Variants in NOS1AP observed in about 807,000 individuals in gnomAD.
The protein encoded by NOS1AP is carboxyl-terminal PDZ ligand of neuronal nitric oxide synthase protein.
A neutral mutation model predicts 56.2 loss-of-function variants in NOS1AP; 21 were observed. The ratio of observed to expected loss-of-function variants is 0.37; its 90% CI spans 0.26 to 0.54. The LOEUF (loss-of-function observed/expected upper bound fraction) is 0.54. Ranked by LOEUF, NOS1AP falls within the 20% of genes least tolerant of loss-of-function variation. The pLI, the probability that NOS1AP is intolerant of heterozygous loss-of-function variation, is 0.84. For synonymous variants in NOS1AP, 270 were observed against 274.6 expected (o/e 0.98, Z 0.17); for missense variants, 522 against 657.8 (o/e 0.79, Z 2.26).
At chr1:162,151,258 A>T (rs1280933869) in intron 1 of NOS1AP, among the ~76,000 whole-genome samples, 1 of 152,226 alleles carries the variant, frequency 6.6e-6, no homozygotes, top group Non-Finnish European at 1.5e-5. Flanking sequence ...CTTTGTTAAA[A>T]ATGAATTCAC....
At chr1:162,205,268 C>G (rs889217306) in intron 2 of NOS1AP, among the ~76,000 whole-genome samples, 3 of 152,226 alleles carry the variant, frequency 2.0e-5, no homozygotes, top group African/African-American at 7.2e-5. Context: ...CCTTTCTTCT[C>G]TCAGGTTCAG....
At chr1:162,291,107 G>A (rs1465388146) in intron 3 of NOS1AP, among the ~76,000 whole-genome samples, 1 of 151,870 alleles carries the variant, frequency 6.6e-6, no homozygotes, top group Non-Finnish European at 1.5e-5. Flanking sequence ...TTCTAGAGCA[G>A]GAGGGGACCC....
At chr1:162,077,232 A>ACCAATG (rs1691788913) in intron 1 of NOS1AP, among the ~76,000 whole-genome samples, 1 of 151,868 alleles carries the variant, frequency 6.6e-6, no homozygotes, top group Middle Eastern at 3.2e-3. Flanking sequence ...TTGTTGTCTG[A>ACCAATG]CTTTTTGATT....
At chr1:162,086,045 C>G (rs1691992478) in intron 1 of NOS1AP, among the ~76,000 whole-genome samples, 1 of 152,112 alleles carries the variant, frequency 6.6e-6, no homozygotes, top group Non-Finnish European at 1.5e-5. Flanking sequence ...TCTTGCTTTT[C>G]ACATGCAGCC....
At chr1:162,254,451 G>A (rs187408831) in intron 2 of NOS1AP, among the ~76,000 whole-genome samples, 13 of 152,304 alleles carry the variant, frequency 8.5e-5, no homozygotes, top group Middle Eastern at 3.4e-3. Flanking sequence ...GTTTTAAAGG[G>A]CAAAGCCATG....
chr1:162,244,006 C>G (rs1473554962), intron 2 of NOS1AP, among the ~76,000 whole-genome samples: 1 of 152,192 alleles, frequency 6.6e-6, no homozygotes, highest in Non-Finnish European at 1.5e-5. Flanking sequence ...TCTGGATTTT[C>G]AAAGACACCA....
intron 8 of NOS1AP, among the ~76,000 whole-genome samples, chr1:162,360,385 G>A (rs888705666): frequency 7.2e-5 from 11 of 152,188 alleles, no homozygotes; most frequent in African/African-American, 1.9e-4. Context: ...GCCTCGAAGC[G>A]AAGCTGGGAT....
chr1:162,126,217 T>C (rs1648481674), intron 1 of NOS1AP, among the ~76,000 whole-genome samples: 1 of 152,174 alleles, frequency 6.6e-6, no homozygotes, highest in African/African-American at 2.4e-5. Context: ...GATCATATCA[T>C]TGGCAAACAA....
rs76160819 is a variant in NOS1AP at position 162,211,215 on chromosome 1, G to C, written c.177+56739G>C. Among the ~76,000 whole-genome samples, 1,454 of 152,338 alleles carry C rather than the reference G, an allele frequency of 9.5e-3. 12 individuals are homozygous for C. Among genetic ancestry groups the C allele is most frequent in the Non-Finnish European group, 0.015 (1,044 of 68,024 alleles). The stretch of plus-strand genomic sequence containing the variant: ...CAAAATATCACAGGCTAGGTGGATT[G>C]AACAAGAGAAATTTATTTTTCACAG... On this transcript the variant is annotated intron_variant, in intron 2 of 9. Coordinates refer to ENST00000361897, the MANE Select transcript of NOS1AP (RefSeq NM_014697.3).
intron 3 of NOS1AP, among the ~76,000 whole-genome samples, chr1:162,295,598 G>GT (rs1257782815): frequency 4.0e-5 from 6 of 151,786 alleles, no homozygotes; most frequent in Admixed American, 3.3e-4. Flanking sequence ...GTGTTGTTTT[G>GT]TTTTTTTCTT....
chr1:162,196,359 G>GCTCTTTC (rs1332186775), intron 2 of NOS1AP, among the ~76,000 whole-genome samples: 1 of 152,142 alleles, frequency 6.6e-6, no homozygotes, highest in African/African-American at 2.4e-5. Context: ...TTGATACCAC[G>GCTCTTTC]CTCTTTCTGT....
chr1:162,282,771 C>T (rs1557862262), intron 2 of NOS1AP, among the ~76,000 whole-genome samples: 1 of 152,212 alleles, frequency 6.6e-6, no homozygotes, highest in Non-Finnish European at 1.5e-5. Context: ...TCCAAAGCTC[C>T]TTCTAGATAG....
intron 2 of NOS1AP, among the ~76,000 whole-genome samples, chr1:162,177,741 G>A (rs1273226381): frequency 2.0e-5 from 3 of 152,040 alleles, no homozygotes; most frequent in Non-Finnish European, 4.4e-5. Context: ...AAAGTTTGGG[G>A]ATCCCATATA....
At chr1:162,310,906 T>C (rs1656005780) in intron 4 of NOS1AP, among the ~76,000 whole-genome samples, 1 of 136,256 alleles carries the variant, frequency 7.3e-6, no homozygotes, top group Admixed American at 7.5e-5. Flanking sequence ...CTCTCTCTTC[T>C]GGACCCATCT....
intron 3 of NOS1AP, among the ~76,000 whole-genome samples, chr1:162,287,943 C>A (rs951830130): frequency 6.6e-6 from 1 of 152,166 alleles, no homozygotes; most frequent in African/African-American, 2.4e-5. Flanking sequence ...CAAGACCCAG[C>A]CACTGCTGCT....
chr1:162,233,281 G>T (rs1161270757), intron 2 of NOS1AP, among the ~76,000 whole-genome samples: 3 of 152,190 alleles, frequency 2.0e-5, no homozygotes, highest in African/African-American at 7.2e-5. Context: ...AGCTTGCTAA[G>T]TAGCTCCTCC....
intron 1 of NOS1AP, among the ~76,000 whole-genome samples, chr1:162,088,224 G>A (rs889710266): frequency 1.1e-4 from 16 of 152,130 alleles, no homozygotes; most frequent in Admixed American, 3.9e-4. Context: ...GTTGCTGACT[G>A]TTTGAGGGCT....
intron 2 of NOS1AP, among the ~76,000 whole-genome samples, chr1:162,217,727 A>G (rs911491042): frequency 2.6e-5 from 4 of 152,178 alleles, no homozygotes; most frequent in Admixed American, 6.5e-5. Flanking sequence ...TTAAAACCAC[A>G]TATACACCTT....
At chr1:162,103,346 T>A (rs532805253) in intron 1 of NOS1AP, among the ~76,000 whole-genome samples, 1 of 152,324 alleles carries the variant, frequency 6.6e-6, no homozygotes, top group Non-Finnish European at 1.5e-5. Flanking sequence ...AGTATTTTAC[T>A]TCTGATTATG....
Sources: gnomAD v4.1 joint callset for allele counts (sites outside exome capture counted in the v4.1 genomes callset) on GRCh38, gnomAD v4.1.1 for gene constraint, MANE v1.5 for transcripts, NCBI Gene and HGNC (gene_info 2026-07-23, HGNC 2026-07-21) for gene names.